Variants in DGKQ observed in about 807,000 individuals in gnomAD.
The protein encoded by DGKQ is DAG kinase theta.
In DGKQ, 97 loss-of-function variants were observed where a neutral mutation model predicts 104.2. That is an observed-to-expected ratio of 0.93 (90% CI 0.79 to 1.10). The LOEUF is 1.10. Ranked by LOEUF, DGKQ falls within the 50% of genes least tolerant of loss-of-function variation. DGKQ has a pLI of 0.00. For missense variants in DGKQ, 1,465 were observed against 1,352.1 expected (o/e 1.08, Z -1.31); for synonymous variants, 736 against 595.2 (o/e 1.24, Z -3.44).
chr4:966,146 C>G, intron 12 of DGKQ, 68 bp from the exon 13 acceptor site: 1 of 1,483,588 alleles, frequency 6.7e-7, no homozygotes, highest in Non-Finnish European at 9.1e-7. Flanking sequence ...CCTCTGTCTC[C>G]TCACCCGCAA....
chr4:966,066 G>A lies in DGKQ; in HGVS notation c.1441C>T (p.Gln481Ter), dbSNP rs773035998. Reference sequence around the variant, plus strand: ...ACGTAGAACCGCGTCTGGCTCACCTGCCGCACAGACATCTGCAGGGAGAGG... The same window carrying A: ...ACGTAGAACCGCGTCTGGCTCACCTACCGCACAGACATCTGCAGGGAGAGG... ...LQDIRQMSVR[Q>*]VSQTRFYVAE... The change falls in exon 13 of 23, where the codon CAG becomes TAG. Residue 481 changes from glutamine to a stop codon, truncating the protein, a stop_gained. Transcript: ENST00000273814. LOFTEE classifies it high-confidence loss of function. 14 of 1,601,392 alleles carry A rather than the reference G, an allele frequency of 8.7e-6. No individual in the cohort carries two copies. The highest frequency in any genetic ancestry group is 8.5e-7 in the Non-Finnish European group (1 of 1,174,912).
At chr4:968,181 C>CCTCT in intron 5 of DGKQ, 101 bp downstream of exon 5, 7 of 699,314 alleles carry the variant, frequency 1.0e-5, no homozygotes, top group Non-Finnish European at 1.5e-5. Flanking sequence ...GGAACCCGCG[C>CCTCT]CTCTCCTGCC....
rs1342986236 is a variant in DGKQ at position 967,268 on chromosome 4, C to A, written c.1081G>T (p.Ala361Ser). The change falls in exon 9 of 23, where the codon GCT becomes TCT. Residue 361 changes from alanine to serine, a missense_variant. Transcript: ENST00000273814. The stretch of plus-strand genomic sequence containing the variant: ...ACAGCACTCCCAGCCTTGCCCCCAG[C>A]CCAGGCGTCACAGGCCTGAGAGGAA... ...PPSSQACDAW[A>S]GGKAGSAVIS... 1 of 1,553,672 alleles carries A rather than the reference C, an allele frequency of 6.4e-7. No homozygotes were observed. The highest frequency in any genetic ancestry group is 8.7e-7 in the Non-Finnish European group (1 of 1,153,756).
Position 966,735 on chromosome 4 carries a change from G to T in DGKQ, c.1366+13C>A. 1 of 1,604,074 alleles carries T rather than the reference G, an allele frequency of 6.2e-7. No individual in the cohort carries two copies. Among genetic ancestry groups the T allele is most frequent in the Non-Finnish European group, 8.5e-7 (1 of 1,175,690 alleles). ...GCAGGGACCGCCACGCCCAGCACGG[G>T]CTGTCTACTCACCGTGCCTGCAGCC... On this transcript the variant is annotated intron_variant, in intron 11 of 22. Coordinates refer to ENST00000273814, the MANE Select transcript of DGKQ (RefSeq NM_001347.4).
In DGKQ at chr4:967,776, T is replaced by C; in HGVS notation, c.838A>G (p.Ser280Gly). 1 of 1,606,690 alleles carries C rather than the reference T, an allele frequency of 6.2e-7. No homozygotes were observed. Among genetic ancestry groups the C allele is most frequent in the Non-Finnish European group, 8.5e-7 (1 of 1,177,256 alleles). Residue 280 changes from serine (S) to glycine (G), a missense_variant, in exon 7 of 23, where the codon AGC becomes GGC. Physicochemically the swap from Ser to Gly is moderately conservative, Grantham distance 56 (BLOSUM62 0). Transcript: ENST00000273814. Reference protein sequence around the residue: ...PGEGGDGADGSAAVGPGRETQ... With the variant: ...PGEGGDGADGGAAVGPGRETQ... Reference sequence around the variant, plus strand: ...TCTCTGCCTGGACCCACGGCAGCGCTCCCGTCGGCGCCGTCGCCCCCCTCG... The same window carrying C: ...TCTCTGCCTGGACCCACGGCAGCGCCCCCGTCGGCGCCGTCGCCCCCCTCG...
At position 960,223 on chromosome 4, in the gene DGKQ, G is replaced by A; in HGVS notation, c.*397C>T. The A allele has an allele frequency of 4.9e-6, 1 of 204,558 alleles. No individual in the cohort carries two copies. Among genetic ancestry groups the A allele is most frequent in the Non-Finnish European group, 1.0e-5 (1 of 100,258 alleles). The allele number at this position is 204,558 out of a possible 1,614,324, so 12.7% of individuals were successfully genotyped here. A position where few individuals can be genotyped will look rare whatever the true frequency, so the allele number is the denominator to read the frequency against. The stretch of plus-strand genomic sequence containing the variant: ...AGGGGGACGGCCCGAGGGGCACAAA[G>A]TGAGATCAGACCCACCTGGACGGCC... On this transcript the variant is annotated 3_prime_UTR_variant, in exon 23 of 23. Coordinates refer to ENST00000273814, the MANE Select transcript of DGKQ (RefSeq NM_001347.4).
In DGKQ at chr4:961,159, G is replaced by A. The variant is rs757433895; in HGVS notation, c.2617C>T (p.Gln873Ter). 6.3e-7 allele frequency: 1 copy of A among 1,598,976 alleles called. No homozygotes were observed. Among genetic ancestry groups the A allele is most frequent in the South Asian group, 1.1e-5 (1 of 89,650 alleles). Residue 873 changes from glutamine (Q) to a stop codon, truncating the protein, a stop_gained, in exon 22 of 23, where the codon CAG becomes TAG. Transcript: ENST00000273814. LOFTEE classifies it high-confidence loss of function. Reference protein sequence around the residue: ...GGLRSGIRIAQGSYFRVTLLK... With the variant: ...GGLRSGIRIA ...AGCGTGACTCGGAAGTAGGAACCCT[G>A]GGCAATCCGGATTCCGGAGCGCAGC...
intron 15 of DGKQ, among the ~76,000 whole-genome samples, chr4:964,313 C>T (rs1449588274): frequency 6.6e-6 from 1 of 152,246 alleles, no homozygotes; most frequent in South Asian, 2.1e-4. Context: ...AGTTCTGCTT[C>T]GCCTGGACTG....
In DGKQ at chr4:966,793, G is replaced by C; in HGVS notation, c.1321C>G (p.Pro441Ala). The C allele has an allele frequency of 3.1e-6, 5 of 1,609,958 alleles. No individual in the cohort carries two copies. The highest frequency in any genetic ancestry group is 1.7e-6 in the Non-Finnish European group (2 of 1,178,756). Residue 441 changes from proline to alanine, a missense_variant, in exon 11 of 23, where the codon CCC becomes GCC. Transcript: ENST00000273814. ...ACCTCCACCAGCTGGAAGCTCTCGG[G>C]ACTCTCGGCCTGTTGGGGTAGAGCT... ...LPLLGRQAES[P>A]ESFQLVEVAM...
In DGKQ at chr4:960,469, C is replaced by T; in HGVS notation, c.*151G>A. 3.0e-6 allele frequency: 2 copies of T among 675,198 alleles called. No homozygotes were observed. Among genetic ancestry groups the T allele is most frequent in the Non-Finnish European group, 5.2e-6 (2 of 387,342 alleles). 41.8% of individuals were successfully genotyped at this position (675,198 alleles called of 1,614,324 possible). A position where few individuals can be genotyped will look rare whatever the true frequency, so the allele number is the denominator to read the frequency against. On this transcript the variant is annotated 3_prime_UTR_variant, in exon 23 of 23. Coordinates refer to ENST00000273814, the MANE Select transcript of DGKQ (RefSeq NM_001347.4). Reference sequence around the variant, plus strand: ...CAATGGGATGAGGGCGGGTCCCGCTCCGTCACTGGGAAGATGCTGTGGTCA... The same window carrying T: ...CAATGGGATGAGGGCGGGTCCCGCTTCGTCACTGGGAAGATGCTGTGGTCA...
chr4:963,313 A>C, intron 15 of DGKQ, 23 bp from the exon 16 acceptor site: 1 of 1,587,224 alleles, frequency 6.3e-7, no homozygotes, highest in South Asian at 1.1e-5. Context: ...GGGCTGGGTT[A>C]GGATGGGGAC....
intron 1 of DGKQ, among the ~76,000 whole-genome samples, chr4:972,662 C>T (rs1448247576): frequency 1.3e-5 from 2 of 148,538 alleles, no homozygotes; most frequent in Non-Finnish European, 3.0e-5. Context: ...CGGGGCCCGC[C>T]TGCTTGCCGC....
intron 1 of DGKQ, among the ~76,000 whole-genome samples, chr4:972,497 C>G (rs1713005064): frequency 6.6e-6 from 1 of 152,214 alleles, no homozygotes; most frequent in African/African-American, 2.4e-5. Context: ...GCGTCCCTGG[C>G]CAGGACACAG....
rs765941176 is a variant in DGKQ, at chr4:963,131, G to C, written c.1886+8C>G. 1.3e-6 allele frequency: 2 copies of C among 1,591,080 alleles called. No individual in the cohort carries two copies. Among genetic ancestry groups the C allele is most frequent in the South Asian group, 2.2e-5 (2 of 89,966 alleles). Reference sequence around the variant, plus strand: ...GCTGCCCTGGACCAGGGGTCCTGCTGGACTCACCCGGGAAGAGGACCTCCG... The same window carrying C: ...GCTGCCCTGGACCAGGGGTCCTGCTCGACTCACCCGGGAAGAGGACCTCCG... On this transcript the variant is annotated splice_region_variant and intron_variant, in intron 16 of 22. Coordinates refer to ENST00000273814, the MANE Select transcript of DGKQ (RefSeq NM_001347.4).
At chr4:963,625 C>T (rs1712061695) in intron 15 of DGKQ, among the ~76,000 whole-genome samples, 2 of 152,236 alleles carry the variant, frequency 1.3e-5, no homozygotes, top group Non-Finnish European at 2.9e-5. Context: ...TGGAAATCCA[C>T]GTGGGACTCT....
intron 16 of DGKQ, 93 bp from the exon 17 acceptor site, chr4:963,013 G>A (rs1177364545): frequency 1.3e-6 from 2 of 1,511,988 alleles, no homozygotes; most frequent in South Asian, 1.3e-5. Context: ...CTGGCCGTGT[G>A]GAGGACTTCA....
intron 11 of DGKQ, 93 bp from the exon 12 acceptor site, chr4:966,620 G>A: frequency 2.6e-6 from 4 of 1,510,080 alleles, no homozygotes; most frequent in East Asian, 2.4e-5. Context: ...GGGGATGCAG[G>A]GTGGAGCTGG....
chr4:963,922 A>G (rs1170695576), intron 15 of DGKQ, among the ~76,000 whole-genome samples: 1 of 152,198 alleles, frequency 6.6e-6, no homozygotes, highest in African/African-American at 2.4e-5. Flanking sequence ...GGGCCCCCAC[A>G]GCGGGGAAGG....
At chr4:961,631 T>C in intron 20 of DGKQ, 53 bp from the exon 21 acceptor site, 5 of 1,610,686 alleles carry the variant, frequency 3.1e-6, no homozygotes, top group Non-Finnish European at 4.2e-6. Flanking sequence ...GGACGAGGGC[T>C]GAGCCTGCCC....
Sources: allele counts gnomAD v4.1 joint callset (sites outside exome capture counted in the v4.1 genomes callset), GRCh38; gene constraint gnomAD v4.1.1; transcripts MANE v1.5; gene names NCBI Gene and HGNC (gene_info 2026-07-23, HGNC 2026-07-21).